Variants in PAX5 observed in about 807,000 individuals in gnomAD.
The protein encoded by PAX5 is paired box 5.
In PAX5, 9 loss-of-function variants were observed where a neutral mutation model predicts 43.7. That is an observed-to-expected ratio of 0.21 (90% CI 0.12 to 0.36). The LOEUF (loss-of-function observed/expected upper bound fraction) is 0.36, where lower values mean the gene tolerates loss of function less well. Among genes scored for constraint, PAX5 ranks in the 10% least tolerant of loss-of-function variants. The pLI is 1.00. For synonymous variants in PAX5, 228 were observed against 214.3 expected (o/e 1.06, Z -0.56); for missense variants, 383 against 532.7 (o/e 0.72, Z 2.77).
chr9:36,868,417 G>A (rs1473352623), intron 8 of PAX5, among the ~76,000 whole-genome samples: 2 of 152,262 alleles, frequency 1.3e-5, no homozygotes, highest in Non-Finnish European at 2.9e-5. Context: ...GGGTCTCTAT[G>A]GCAGACCATG....
intron 5 of PAX5, among the ~76,000 whole-genome samples, chr9:36,975,677 G>A (rs1018573068): frequency 5.3e-5 from 8 of 152,174 alleles, no homozygotes; most frequent in South Asian, 2.1e-4. Flanking sequence ...GAGCCACCAC[G>A]CCCAGCCTTG....
At chr9:36,842,593 T>C (rs1822164548) in intron 9 of PAX5, among the ~76,000 whole-genome samples, 1 of 152,176 alleles carries the variant, frequency 6.6e-6, no homozygotes, top group Admixed American at 6.5e-5. Flanking sequence ...TGGCGCCCAT[T>C]AAACCTCCAT....
At position 36,852,579 on chromosome 9, in the gene PAX5, C is replaced by A. The variant is rs189533438; in HGVS notation, c.1013-5650G>T. On this transcript the variant is annotated intron_variant, in intron 8 of 9. Coordinates refer to ENST00000358127, the MANE Select transcript of PAX5 (RefSeq NM_016734.3). ...ATGGCACCTCACCCTCACAATAACC[C>A]TGGTGAGGAGGACGCGGAGCAGAGG... is the stretch of plus-strand genomic sequence containing the variant. Among the ~76,000 whole-genome samples, 657 of 152,326 alleles carry A rather than the reference C, an allele frequency of 4.3e-3. 4 individuals carry two copies. Among genetic ancestry groups the A allele is most frequent in the South Asian group, 8.1e-3 (39 of 4,826 alleles).
intron 6 of PAX5, chr9:36,930,873 T>C (rs561674721): frequency 7.6e-7 from 1 of 1,308,608 alleles, no homozygotes; most frequent in South Asian, 1.2e-5. Flanking sequence ...ATCATTTGGG[T>C]CCCTAGGAAA....
intron 1 of PAX5, among the ~76,000 whole-genome samples, chr9:37,028,904 C>T (rs1444075309): frequency 5.9e-5 from 9 of 152,208 alleles, no homozygotes; most frequent in African/African-American, 1.4e-4. Context: ...GAGTCCGCTT[C>T]TTTGTGGGTT....
In PAX5 at chr9:36,933,473, G is replaced by A. The variant is rs115629600; in HGVS notation, c.781-9989C>T. Among the ~76,000 whole-genome samples the A allele has an allele frequency of 6.6e-3, 1,001 of 152,260 alleles. 12 individuals carry two copies. Among genetic ancestry groups the A allele is most frequent in the African/African-American group, 0.022 (897 of 41,546 alleles). On this transcript the variant is annotated intron_variant, in intron 6 of 9. Coordinates refer to ENST00000358127, the MANE Select transcript of PAX5 (RefSeq NM_016734.3). Reference sequence around the variant, plus strand: ...AGTCCTTGCAGGTCCGTGGTGCCCCGGGAGTCCTGGGATGTGGACAGATGC... The same window carrying A: ...AGTCCTTGCAGGTCCGTGGTGCCCCAGGAGTCCTGGGATGTGGACAGATGC...
rs77807088 is a variant in PAX5 at position 36,941,215 on chromosome 9, T to G, written c.781-17731A>C. On this transcript the variant is annotated intron_variant, in intron 6 of 9. Coordinates refer to ENST00000358127, the MANE Select transcript of PAX5 (RefSeq NM_016734.3). ...ATCACAGACCCTGGCTTTGCCCCTG[T>G]GTGCCTCAGCTACCTATCTGTGGAA... 2.8e-3 allele frequency among the ~76,000 whole-genome samples: 430 copies of G among 152,332 alleles called. 4 individuals carry two copies. The highest frequency in any genetic ancestry group is 9.9e-3 in the African/African-American group (412 of 41,570).
chr9:36,901,667 C>T lies in PAX5; in HGVS notation c.911-19562G>A, dbSNP rs112410051. 5.3e-3 allele frequency among the ~76,000 whole-genome samples: 811 copies of T among 152,226 alleles called. 5 individuals are homozygous for T. The highest frequency in any genetic ancestry group is 0.019 in the African/African-American group (770 of 41,542). The stretch of plus-strand genomic sequence containing the variant: ...AGGGGGGTCTGGGATTGGAGCCCAG[C>T]GCTGTCCGACCCCACGCCCTAAACA... On this transcript the variant is annotated intron_variant, in intron 7 of 9. Transcript: ENST00000358127.
At chr9:36,876,474 G>A (rs1230266165) in intron 8 of PAX5, among the ~76,000 whole-genome samples, 1 of 152,198 alleles carries the variant, frequency 6.6e-6, no homozygotes, top group Non-Finnish European at 1.5e-5. Context: ...TAAAGCCAAA[G>A]GGCAATGAAC....
chr9:36,985,180 C>T (rs1280105171), intron 5 of PAX5, among the ~76,000 whole-genome samples: 1 of 152,140 alleles, frequency 6.6e-6, no homozygotes, highest in Non-Finnish European at 1.5e-5. Context: ...TGATTGTCAC[C>T]GGGTGGCACC....
chr9:36,883,483 G>C (rs1020788878), intron 7 of PAX5, among the ~76,000 whole-genome samples: 1 of 152,086 alleles, frequency 6.6e-6, no homozygotes, highest in African/African-American at 2.4e-5. Flanking sequence ...GGCTAACATG[G>C]TGAAACTCTG....
At chr9:36,923,332 C>G in intron 7 of PAX5, 23 bp downstream of exon 7, 1 of 1,603,038 alleles carries the variant, frequency 6.2e-7, no homozygotes, top group South Asian at 1.1e-5. Context: ...CTCACTCATC[C>G]CCCATGCCCC....
intron 7 of PAX5, among the ~76,000 whole-genome samples, chr9:36,905,278 C>A (rs1828721612): frequency 6.6e-6 from 1 of 152,242 alleles, no homozygotes; most frequent in Non-Finnish European, 1.5e-5. Flanking sequence ...CAAGAAAGGG[C>A]CCAGCCCCTT....
In PAX5 at chr9:37,033,862, G is replaced by T. The variant is rs959623400; in HGVS notation, c.46+124C>A. On this transcript the variant is annotated intron_variant, in intron 1 of 9. Coordinates refer to ENST00000358127, the MANE Select transcript of PAX5 (RefSeq NM_016734.3). ...GGTGAAAAAACATAACAAACACGCC[G>T]CAGTTAGACAGTCTCTACGAAAATG... The T allele has an allele frequency of 3.0e-5, 22 of 740,808 alleles. No homozygotes were observed. In the African/African-American group the frequency reaches 3.0e-4, roughly 10 times the overall value. The allele number at this position is 740,808 out of a possible 1,614,324, so 45.9% of individuals were successfully genotyped here.
intron 5 of PAX5, among the ~76,000 whole-genome samples, chr9:36,975,328 G>A (rs1835321261): frequency 6.6e-6 from 1 of 152,174 alleles, no homozygotes; most frequent in African/African-American, 2.4e-5. Flanking sequence ...ACTCATGGGG[G>A]CCCGGGTTCG....
intron 8 of PAX5, among the ~76,000 whole-genome samples, chr9:36,849,093 T>A (rs1667318196): frequency 6.6e-6 from 1 of 152,224 alleles, no homozygotes; most frequent in South Asian, 2.1e-4. Flanking sequence ...CAGCACTGGC[T>A]TTGCCCTGAC....
chr9:36,985,839 G>T (rs1264307808), intron 5 of PAX5, among the ~76,000 whole-genome samples: 3 of 152,170 alleles, frequency 2.0e-5, no homozygotes, highest in Non-Finnish European at 4.4e-5. Flanking sequence ...ATTTTCCACC[G>T]GTGCAAGAGA....
rs187494011 is a variant in PAX5 at position 36,886,983 on chromosome 9, T to C, written c.911-4878A>G. On this transcript the variant is annotated intron_variant, in intron 7 of 9. Transcript: ENST00000358127. ...ACATTTGGTTTGAAATAACTCACTC[T>C]TTGCAATCCTGAGAGGAAGGGGAAG... Among the ~76,000 whole-genome samples, 20 of 152,258 alleles carry C rather than the reference T, an allele frequency of 1.3e-4. No homozygotes were observed. In the East Asian group the frequency reaches 3.9e-3, roughly 29 times the overall value.
Position 36,833,733 on chromosome 9 carries a change from C to T in PAX5, c.*6827G>A, listed in dbSNP as rs1380560267. Reference sequence around the variant, plus strand: ...AATATTTCAAGTCAGTTATTTTCTACTAGAAAAAAAGAATACAAAACATAC... The same window carrying T: ...AATATTTCAAGTCAGTTATTTTCTATTAGAAAAAAAGAATACAAAACATAC... On this transcript the variant is annotated 3_prime_UTR_variant, in exon 10 of 10. Transcript: ENST00000358127. 4.3e-6 allele frequency: 1 copy of T among 232,044 alleles called. No homozygotes were observed. The highest frequency in any genetic ancestry group is 8.5e-6 in the Non-Finnish European group (1 of 117,790). The allele number at this position is 232,044 out of a possible 1,614,324, so 14.4% of individuals were successfully genotyped here.
Sources: allele counts gnomAD v4.1 joint callset (sites outside exome capture counted in the v4.1 genomes callset), GRCh38; gene constraint gnomAD v4.1.1; transcripts MANE v1.5; gene names NCBI Gene and HGNC (gene_info 2026-07-23, HGNC 2026-07-21).